The following BIRC2 variants were observed in gnomAD, a reference collection of about 807,000 sequenced individuals.
BIRC2 encodes the protein baculoviral IAP repeat containing 2, also known as baculoviral IAP repeat-containing protein 2.
BIRC2 carries 18 observed loss-of-function variants against 60.9 expected under a neutral mutation model. The ratio of observed to expected loss-of-function variants is 0.30; its 90% CI spans 0.20 to 0.44. The LOEUF (loss-of-function observed/expected upper bound fraction) is 0.44, where lower values mean the gene tolerates loss of function less well. BIRC2 is among the 20% of genes least tolerant of loss of function. The pLI, the probability that BIRC2 is intolerant of heterozygous loss-of-function variation, is 1.00. For missense variants in BIRC2, 701 were observed against 728.5 expected, an observed-to-expected ratio of 0.96 and a Z score of 0.43; for synonymous variants, 282 against 247.7, an observed-to-expected ratio of 1.14 and a Z score of -1.30.
chr11:102,364,252 A>T (rs543893142), intron 5 of BIRC2, among the ~76,000 whole-genome samples: 2 of 146,720 alleles, frequency 1.4e-5, no homozygotes, highest in Non-Finnish European at 1.5e-5. Flanking sequence ...AAAGTGTACT[A>T]GTTTTTGTTC....
intron 3 of BIRC2, among the ~76,000 whole-genome samples, chr11:102,355,610 TC>T (rs1951411666): frequency 6.6e-6 from 1 of 152,172 alleles, no homozygotes; most frequent in Non-Finnish European, 1.5e-5. Context: ...GGCCTTAAGT[TC>T]CGTACAAATT....
chr11:102,376,237 A>T (rs1168865856), intron 6 of BIRC2, among the ~76,000 whole-genome samples: 1 of 152,230 alleles, frequency 6.6e-6, no homozygotes, highest in African/African-American at 2.4e-5. Flanking sequence ...AGAGAACTTC[A>T]TTGAAATACC....
At chr11:102,363,447 T>C (rs760562812) in intron 4 of BIRC2, among the ~76,000 whole-genome samples, 1 of 152,220 alleles carries the variant, frequency 6.6e-6, no homozygotes, top group Non-Finnish European at 1.5e-5. Flanking sequence ...ATTTTTCTAC[T>C]TTCCTGAAAC....
At chr11:102,361,544 C>T (rs930888805) in intron 3 of BIRC2, among the ~76,000 whole-genome samples, 2 of 152,130 alleles carry the variant, frequency 1.3e-5, no homozygotes, top group Non-Finnish European at 2.9e-5. Context: ...TGCTGGTTAC[C>T]TTAATGGTGA....
chr11:102,356,676 A>ATTATTC (rs1951425520), intron 3 of BIRC2, among the ~76,000 whole-genome samples: 1 of 147,790 alleles, frequency 6.8e-6, no homozygotes, highest in Non-Finnish European at 1.5e-5. Flanking sequence ...TATTATTATT[A>ATTATTC]TTAATTTTTT....
chr11:102,364,066 A>G (rs1229489410), intron 5 of BIRC2, among the ~76,000 whole-genome samples: 2 of 148,198 alleles, frequency 1.3e-5, no homozygotes, highest in Non-Finnish European at 3.0e-5. Context: ...AAAAGGTAGG[A>G]ATGAAAGTAT....
chr11:102,368,661 C>T lies in BIRC2; in HGVS notation c.1366+113C>T, dbSNP rs546008289. 35 of 1,403,708 alleles carry T rather than the reference C, an allele frequency of 2.5e-5. No homozygotes were observed. The East Asian group carries it at 7.7e-4, about 31-fold the overall frequency. 87.0% of individuals were successfully genotyped at this position (1,403,708 alleles called of 1,614,324 possible). ...CATCCACTAACTGCTGGTAGCAGTC[C>T]TCCAGTCATTTCGAAACCATCCCTC... On this transcript the variant is annotated intron_variant, in intron 6 of 8. Coordinates refer to ENST00000227758, the MANE Select transcript of BIRC2 (RefSeq NM_001166.5).
chr11:102,362,712 C>G, intron 3 of BIRC2, 184 bp from the exon 4 acceptor site: 1 of 496,640 alleles, frequency 2.0e-6, no homozygotes. Context: ...ATATAACACA[C>G]AGAAGGATGT....
In BIRC2 at chr11:102,348,703, A is replaced by G. The variant is rs1026597323; in HGVS notation, c.-1152A>G. ...TATAAAGGGATATAGTTTGAATTCT[A>G]TGGAGTGTAATTTTGTGTATGAATT... On this transcript the variant is annotated 5_prime_UTR_variant, in exon 2 of 9. It removes an upstream start codon present in the reference 5' UTR. Coordinates refer to ENST00000227758, the MANE Select transcript of BIRC2 (RefSeq NM_001166.5). 5 of 396,862 alleles carry G rather than the reference A, an allele frequency of 1.3e-5. No homozygotes were observed. Among genetic ancestry groups the G allele is most frequent in the African/African-American group, 2.1e-5 (1 of 47,008 alleles). The allele number at this position is 396,862 out of a possible 1,614,324, so 24.6% of individuals were successfully genotyped here.
At chr11:102,367,380 A>G (rs1272380546) in intron 5 of BIRC2, among the ~76,000 whole-genome samples, 1 of 150,788 alleles carries the variant, frequency 6.6e-6, no homozygotes, top group Non-Finnish European at 1.5e-5. Flanking sequence ...AACATAAAGT[A>G]TTTCCTCAAG....
intron 3 of BIRC2, among the ~76,000 whole-genome samples, chr11:102,360,769 T>G (rs1176515611): frequency 6.6e-6 from 1 of 151,286 alleles, no homozygotes; most frequent in Admixed American, 6.6e-5. Flanking sequence ...CATTACAGAT[T>G]AGTGTGTTTT....
chr11:102,376,685 G>A (rs1258917779), intron 6 of BIRC2, among the ~76,000 whole-genome samples: 2 of 152,102 alleles, frequency 1.3e-5, no homozygotes, highest in Non-Finnish European at 2.9e-5. Context: ...TTAAAAAAAG[G>A]TCAGGCTTGA....
At chr11:102,376,454 A>G (rs1422084025) in intron 6 of BIRC2, among the ~76,000 whole-genome samples, 1 of 152,226 alleles carries the variant, frequency 6.6e-6, no homozygotes, top group Non-Finnish European at 1.5e-5. Flanking sequence ...ACTTCTAGAG[A>G]GATGTAAAAG....
chr11:102,366,770 G>A (rs991594609), intron 5 of BIRC2, among the ~76,000 whole-genome samples: 1 of 152,052 alleles, frequency 6.6e-6, no homozygotes, highest in African/African-American at 2.4e-5. Flanking sequence ...CATCTCCACC[G>A]AGCTGCCAGA....
rs200951435 is a variant in BIRC2 at position 102,368,736 on chromosome 11, T to C, written c.1366+188T>C. On this transcript the variant is annotated intron_variant, in intron 6 of 8. Transcript: ENST00000227758. ...CTAGTTGAGAACCATTGACTGCCGC[T>C]TTTTTCTATACATTTATTTTCGGAT... 1.1e-4 allele frequency among the ~76,000 whole-genome samples: 16 copies of C among 152,284 alleles called. No individual in the cohort carries two copies. In the East Asian group the frequency reaches 1.9e-3, roughly 18 times the overall value.
intron 3 of BIRC2, 35 bp downstream of exon 3, chr11:102,350,978 C>A (rs1226773162): frequency 3.1e-6 from 5 of 1,596,174 alleles, no homozygotes; most frequent in Non-Finnish European, 4.3e-6. Context: ...GTACAAAAAA[C>A]TCTGTGCTTA....
intron 3 of BIRC2, among the ~76,000 whole-genome samples, chr11:102,352,365 C>CAGG (rs1951373400): frequency 6.6e-6 from 1 of 152,048 alleles, no homozygotes; most frequent in Non-Finnish European, 1.5e-5. Context: ...CCACCCACCT[C>CAGG]AGCCTCCCAA....
chr11:102,354,072 G>A (rs902814070), intron 3 of BIRC2, among the ~76,000 whole-genome samples: 3 of 152,172 alleles, frequency 2.0e-5, no homozygotes, highest in African/African-American at 7.2e-5. Context: ...ATTTGGTTGA[G>A]AAAAATCTGG....
Position 102,350,770 on chromosome 11 carries a change from C to T in BIRC2, c.895+21C>T, listed in dbSNP as rs762766398. The stretch of plus-strand genomic sequence containing the variant: ...TGTGGGTAAGAAGCAAATAACTATA[C>T]ATTTTATCATTTTATTTTAATTTAC... On this transcript the variant is annotated intron_variant, in intron 2 of 8. Transcript: ENST00000227758. 2.1e-5 allele frequency: 33 copies of T among 1,601,858 alleles called. No individual in the cohort carries two copies. The South Asian group carries it at 2.3e-4, about 11-fold the overall frequency.
Sources: allele counts gnomAD v4.1 joint callset (sites outside exome capture counted in the v4.1 genomes callset), GRCh38; gene constraint gnomAD v4.1.1; transcripts MANE v1.5; gene names NCBI Gene and HGNC (gene_info 2026-07-23, HGNC 2026-07-21).